Variants in PDK3 observed in about 807,000 individuals in gnomAD.
The protein encoded by PDK3 is pyruvate dehydrogenase kinase, isozyme 3.
A neutral mutation model predicts 32.0 loss-of-function variants in PDK3; 12 were observed. The observed-to-expected ratio is 0.37, with a 90% CI of 0.24 to 0.61. The LOEUF is 0.61. PDK3 is among the 20% of genes least tolerant of loss of function. PDK3 has a pLI of 0.65. For synonymous variants in PDK3, 122 were observed against 116.3 expected (o/e 1.05, Z -0.31); for missense variants, 188 against 316.9 (o/e 0.59, Z 3.09).
chrX:24,549,666 C>T (rs757386683), exon 12 of PDK3: 1 of 111,597 alleles, frequency 9.0e-6, no homozygotes, highest in Non-Finnish European at 1.9e-5. Context: ...TTAAGAAGAA[C>T]GGAACATACC....
chrX:24,508,885 G>C (rs961273110), intron 5 of PDK3, among the ~76,000 whole-genome samples: 1 of 110,730 alleles, frequency 9.0e-6, no homozygotes, highest in African/African-American at 3.3e-5. Context: ...GCTAATTTTT[G>C]TATTTTTGTA....
chrX:24,531,876 A>G (rs1218606185), intron 10 of PDK3, 106 bp downstream of exon 10: 9 of 421,558 alleles, frequency 2.1e-5, no homozygotes, highest in Non-Finnish European at 3.3e-5. Context: ...TTCATCTCAG[A>G]TTTACTTCAT....
downstream of PDK3, among the ~76,000 whole-genome samples, chrX:24,537,256 A>G (rs1602131221): frequency 9.7e-6 from 1 of 102,981 alleles, no homozygotes; most frequent in East Asian, 3.0e-4. Flanking sequence ...AGCTGGGACT[A>G]CAGGCATGAG....
intron 4 of PDK3, among the ~76,000 whole-genome samples, chrX:24,504,195 A>G (rs1921927966): frequency 8.9e-6 from 1 of 112,586 alleles, no homozygotes; most frequent in Non-Finnish European, 1.9e-5. Context: ...CACAAAGTGG[A>G]CAAACCATCT....
At chrX:24,519,146 C>G in intron 6 of PDK3, 136 bp downstream of exon 6, 1 of 433,187 alleles carries the variant, frequency 2.3e-6, no homozygotes, top group East Asian at 4.0e-5. Context: ...ACTTTCTACG[C>G]TTTTGGTCAA....
exon 12 of PDK3, among the ~76,000 whole-genome samples, chrX:24,541,357 G>A (rs779485248): frequency 1.6e-4 from 18 of 111,149 alleles, no homozygotes; most frequent in East Asian, 2.8e-4. Context: ...CTCTGACAGC[G>A]TTTCTCTTGT....
Position 24,522,052 on chromosome X carries a change from G to A in PDK3, c.673+3042G>A, listed in dbSNP as rs1017714390. Among the ~76,000 whole-genome samples the A allele has an allele frequency of 1.2e-4, 13 of 111,920 alleles. 1 individual carries two copies. In the East Asian group the frequency reaches 1.7e-3, roughly 14 times the overall value. On this transcript the variant is annotated intron_variant, in intron 6 of 10. Coordinates refer to ENST00000379162, the MANE Select transcript of PDK3 (RefSeq NM_005391.5). ...AAGTGGATGCTTTTTTATTCTGGAA[G>A]GAGAACTGTCTGGAAATAAAATTCC... is the stretch of plus-strand genomic sequence containing the variant.
intron 5 of PDK3, among the ~76,000 whole-genome samples, chrX:24,508,709 T>A (rs1483709352): frequency 9.0e-6 from 1 of 111,403 alleles, no homozygotes; most frequent in African/African-American, 3.3e-5. Flanking sequence ...CTTGTCATTA[T>A]TTGTACTTTC....
chrX:24,499,470 A>G (rs1053621331), intron 3 of PDK3, among the ~76,000 whole-genome samples: 1 of 111,704 alleles, frequency 9.0e-6, no homozygotes, highest in Admixed American at 9.5e-5. Flanking sequence ...TTCCCCTCCA[A>G]GAGAAATTAA....
chrX:24,475,928 G>C (rs1921103789), intron 1 of PDK3, among the ~76,000 whole-genome samples: 1 of 111,628 alleles, frequency 9.0e-6, no homozygotes, highest in Non-Finnish European at 1.9e-5. Flanking sequence ...CTGATCTATT[G>C]ATGGTTGGGT....
At chrX:24,534,801 G>C (rs1922735200), downstream of PDK3, among the ~76,000 whole-genome samples, 1 of 111,601 alleles carries the variant, frequency 9.0e-6, no homozygotes. Context: ...AATTTAAAAA[G>C]GTAAAATTAG....
chrX:24,507,465 C>T (rs1922013828), intron 5 of PDK3, among the ~76,000 whole-genome samples: 1 of 111,693 alleles, frequency 9.0e-6, no homozygotes. Flanking sequence ...GGCTCAGATT[C>T]TTCATCTGTA....
At chrX:24,472,675 C>CTTTTTTTTTTTT (rs761538432) in intron 1 of PDK3, among the ~76,000 whole-genome samples, 3 of 49,702 alleles carry the variant, frequency 6.0e-5, no homozygotes, top group Non-Finnish European at 1.0e-4. Flanking sequence ...TTCTTTCTTT[C>CTTTTTTTTTTTT]TTTTTTTTTT....
In PDK3 at chrX:24,496,568, C is replaced by CTTTTTTT. The variant is rs763095558; in HGVS notation, c.248+1702_248+1708dup. ...CTAATTGTCCTGATACTACCCCCAT[C>CTTTTTTT]TTTTTTTTTTTTTTTTTTTTTTTGC... is the stretch of plus-strand genomic sequence containing the variant. On this transcript the variant is annotated intron_variant, in intron 2 of 10. Coordinates refer to ENST00000379162, the MANE Select transcript of PDK3 (RefSeq NM_005391.5). Among the ~76,000 whole-genome samples the CTTTTTTT allele has an allele frequency of 1.2e-3, 46 of 39,314 alleles. 2 individuals carry two copies. The highest frequency in any genetic ancestry group is 1.8e-3 in the East Asian group (2 of 1,109). The allele number at this position is 39,314 out of a possible 115,157, so 34.1% of individuals were successfully genotyped here. A position where few individuals can be genotyped will look rare whatever the true frequency, so the allele number is the denominator to read the frequency against.
exon 12 of PDK3, chrX:24,548,415 A>C (rs1221583970): frequency 8.9e-6 from 1 of 112,611 alleles, no homozygotes; most frequent in Non-Finnish European, 1.9e-5. Flanking sequence ...TTTCACTTAA[A>C]AGAACATTCC....
chrX:24,538,932 C>A (rs1415420374), downstream of PDK3, among the ~76,000 whole-genome samples: 3 of 111,921 alleles, frequency 2.7e-5, no homozygotes, highest in Non-Finnish European at 5.6e-5. Context: ...AGAGTTTTCA[C>A]TGACAGTAAA....
intron 1 of PDK3, among the ~76,000 whole-genome samples, chrX:24,490,093 A>G (rs973843688): frequency 5.4e-5 from 6 of 111,933 alleles, no homozygotes; most frequent in Admixed American, 9.5e-5. Flanking sequence ...CTATTTAATT[A>G]GCCCCTCTTC....
intron 1 of PDK3, among the ~76,000 whole-genome samples, chrX:24,493,081 G>T (rs183626996): frequency 9.0e-6 from 1 of 111,303 alleles, no homozygotes; most frequent in Non-Finnish European, 1.9e-5. Flanking sequence ...GATGTTGGAA[G>T]GTCATTGTGG....
intron 1 of PDK3, among the ~76,000 whole-genome samples, chrX:24,477,516 TG>T (rs973934334): frequency 8.9e-6 from 1 of 111,837 alleles, no homozygotes; most frequent in African/African-American, 3.2e-5. Flanking sequence ...TCTGTTTTTT[TG>T]TGATAGCCCT....
Sources: gnomAD v4.1 joint callset for allele counts (sites outside exome capture counted in the v4.1 genomes callset) on GRCh38, gnomAD v4.1.1 for gene constraint, MANE v1.5 for transcripts, NCBI Gene and HGNC (gene_info 2026-07-23, HGNC 2026-07-21) for gene names.